Variants in DNAH6 observed in about 807,000 individuals in gnomAD.
DNAH6 encodes axonemal beta dynein heavy chain 6.
In DNAH6, 340 loss-of-function variants were observed where a neutral mutation model predicts 491.4. The ratio of observed to expected loss-of-function variants is 0.69; its 90% CI spans 0.63 to 0.76. The LOEUF is 0.76. Ranked by LOEUF, DNAH6 falls within the 30% of genes least tolerant of loss-of-function variation. The pLI is 0.00. For synonymous variants in DNAH6, 1,603 were observed against 1,686.1 expected (o/e 0.95, Z 1.21); for missense variants, 4,443 against 4,972.2 (o/e 0.89, Z 3.20).
chr2:84,523,468 G>C (rs1676331428), intron 2 of DNAH6, among the ~76,000 whole-genome samples: 1 of 151,724 alleles, frequency 6.6e-6, no homozygotes, highest in African/African-American at 2.4e-5. Context: ...GTTCTGCTCT[G>C]ATTTTGGTTC....
intron 14 of DNAH6, among the ~76,000 whole-genome samples, chr2:84,583,135 G>A (rs976833644): frequency 2.0e-5 from 3 of 152,220 alleles, no homozygotes; most frequent in Non-Finnish European, 4.4e-5. Flanking sequence ...AGAAACCAAA[G>A]TGAAGATGTT....
intron 63 of DNAH6, chr2:84,751,028 A>G: frequency 6.6e-6 from 1 of 152,284 alleles, no homozygotes; most frequent in South Asian, 2.1e-4. Flanking sequence ...CAAGGACAGT[A>G]TCACCTGAAG....
At position 84,549,880 on chromosome 2, in the gene DNAH6, CT is replaced by C. The variant is rs1572986751; in HGVS notation, c.1317-5del. 6.4e-6 allele frequency: 10 copies of C among 1,551,482 alleles called. No homozygotes were observed. Among genetic ancestry groups the C allele is most frequent in the Non-Finnish European group, 8.7e-6 (10 of 1,148,446 alleles). Reference sequence around the variant, plus strand: ...AACCGAAATTGTATTAGTTTTTTTTCTTTTCAAGCTTTATTCGTCTAAACGA... The same window carrying C: ...AACCGAAATTGTATTAGTTTTTTTTCTTTCAAGCTTTATTCGTCTAAACGA... On this transcript the variant is annotated splice_region_variant and splice_polypyrimidine_tract_variant and intron_variant, in intron 8 of 76. Coordinates refer to ENST00000389394, the MANE Select transcript of DNAH6 (RefSeq NM_001370.2).
intron 5 of DNAH6, 138 bp from the exon 6 acceptor site, chr2:84,547,130 A>G: frequency 1.5e-6 from 1 of 650,028 alleles, no homozygotes; most frequent in South Asian, 2.5e-5. Context: ...CTTTTAACAT[A>G]TGCATTTTGT....
intron 45 of DNAH6, 36 bp from the exon 46 acceptor site, chr2:84,694,213 G>T: frequency 6.5e-7 from 1 of 1,535,232 alleles, no homozygotes; most frequent in South Asian, 1.2e-5. Flanking sequence ...CCATGTCTGT[G>T]AACTTGAAAT....
chr2:84,698,446 G>A (rs1407279151), intron 47 of DNAH6, among the ~76,000 whole-genome samples: 1 of 152,192 alleles, frequency 6.6e-6, no homozygotes, highest in Non-Finnish European at 1.5e-5. Context: ...AATATAAAAT[G>A]TACACTGTAG....
In DNAH6 at chr2:84,703,464, C is replaced by A; in HGVS notation, c.8131C>A (p.Leu2711Ile). 1 of 1,550,014 alleles carries A rather than the reference C, an allele frequency of 6.5e-7. No individual in the cohort carries two copies. The highest frequency in any genetic ancestry group is 8.7e-7 in the Non-Finnish European group (1 of 1,146,076). Residue 2711 changes from leucine to isoleucine, a missense_variant, in exon 50 of 77, where the codon CTA (leucine) becomes ATA (isoleucine). Physicochemically the swap from Leu to Ile is conservative, Grantham distance 5 (BLOSUM62 2). Around this residue, in one of 3 missense-constraint regions of DNAH6, gnomAD observed 2,977 missense variants for 3,296.6 expected, o/e 0.90. Coordinates refer to ENST00000389394, the MANE Select transcript of DNAH6 (RefSeq NM_001370.2). Reference sequence around the variant, plus strand: ...AAACATACTAGTAGATAAAATGAAACTAGATCTTTCAGCTTTAGAGCCTGT... The same window carrying A: ...AAACATACTAGTAGATAAAATGAAAATAGATCTTTCAGCTTTAGAGCCTGT... ...ETNILVDKMKLDLSALEPVLL... is the reference protein window; with the variant it reads ...ETNILVDKMKIDLSALEPVLL...
chr2:84,550,958 G>A (rs1679290800), intron 9 of DNAH6, among the ~76,000 whole-genome samples: 1 of 152,234 alleles, frequency 6.6e-6, no homozygotes, highest in South Asian at 2.1e-4. Flanking sequence ...GTACAAATTC[G>A]TGCATTCCAG....
intron 11 of DNAH6, among the ~76,000 whole-genome samples, chr2:84,568,338 G>T (rs12464071): frequency 0.39 from 59,157 of 151,996 alleles, 12,908 homozygotes; most frequent in Non-Finnish European, 0.5. Flanking sequence ...CATAGTGATA[G>T]ACTGGATAAA....
At chr2:84,636,684 G>A (rs1375685002) in intron 30 of DNAH6, among the ~76,000 whole-genome samples, 2 of 152,164 alleles carry the variant, frequency 1.3e-5, no homozygotes, top group Non-Finnish European at 2.9e-5. Context: ...GGGAATACCA[G>A]AAAGTGGGAG....
At chr2:84,556,687 T>C (rs1680055151) in intron 10 of DNAH6, among the ~76,000 whole-genome samples, 1 of 152,248 alleles carries the variant, frequency 6.6e-6, no homozygotes, top group Non-Finnish European at 1.5e-5. Flanking sequence ...TATATGCTTC[T>C]GTCCAGTCTT....
chr2:84,704,363 T>C, intron 51 of DNAH6, 61 bp downstream of exon 51: 2 of 1,229,502 alleles, frequency 1.6e-6, no homozygotes, highest in Non-Finnish European at 2.3e-6. Flanking sequence ...ACTGTTTTCC[T>C]CCATGGTAAT....
At chr2:84,471,365 T>C in the DNAH6 span, among the ~76,000 whole-genome samples, 1 of 152,222 alleles carries the variant, frequency 6.6e-6, no homozygotes, top group Non-Finnish European at 1.5e-5. Flanking sequence ...GGAGTCGCTC[T>C]GGTTTGAATG....
chr2:84,756,777 C>T (rs1210222789), intron 63 of DNAH6, among the ~76,000 whole-genome samples: 1 of 152,154 alleles, frequency 6.6e-6, no homozygotes, highest in Non-Finnish European at 1.5e-5. Context: ...CCTCTGAAGC[C>T]AGGAATTGCC....
At chr2:84,685,296 C>CT (rs746753657) in intron 42 of DNAH6, 30 bp from the exon 43 acceptor site, 38,766 of 971,534 alleles carry the variant, frequency 0.04, no homozygotes, top group South Asian at 0.053. Flanking sequence ...TAGAATTTTT[C>CT]TTTTTTTTTT....
intron 4 of DNAH6, among the ~76,000 whole-genome samples, chr2:84,540,308 C>T (rs1038068091): frequency 4.6e-5 from 7 of 152,018 alleles, no homozygotes; most frequent in Non-Finnish European, 7.4e-5. Flanking sequence ...AAGAGAGTGC[C>T]ACAAATACCT....
intron 40 of DNAH6, among the ~76,000 whole-genome samples, chr2:84,675,282 G>A (rs181580435): frequency 9.9e-5 from 15 of 152,042 alleles, no homozygotes; most frequent in Admixed American, 9.2e-4. Flanking sequence ...CATTTTTATG[G>A]CCCCTGCTAA....
At chr2:84,611,421 A>C (rs184142890) in intron 21 of DNAH6, among the ~76,000 whole-genome samples, 6 of 152,144 alleles carry the variant, frequency 3.9e-5, no homozygotes, top group Admixed American at 1.3e-4. Flanking sequence ...TATTTTAATC[A>C]TGTTTCTCTG....
At chr2:84,730,731 A>G (rs942497838) in intron 61 of DNAH6, among the ~76,000 whole-genome samples, 1 of 152,238 alleles carries the variant, frequency 6.6e-6, no homozygotes, top group African/African-American at 2.4e-5. Flanking sequence ...CTAGTACATA[A>G]TAATAGCATA....
Sources: gnomAD v4.1 joint callset for allele counts (sites outside exome capture counted in the v4.1 genomes callset) on GRCh38, gnomAD v4.1.1 for gene constraint, gnomAD v4.1.1 regional missense constraint, MANE v1.5 for transcripts, NCBI Gene and HGNC (gene_info 2026-07-23, HGNC 2026-07-21) for gene names.